The following NRG1 variants were observed in gnomAD, a reference collection of about 807,000 sequenced individuals.
The protein encoded by NRG1 is pro-neuregulin-1, membrane-bound isoform.
A neutral mutation model predicts 63.8 loss-of-function variants in NRG1; 18 were observed. The observed-to-expected ratio is 0.28, with a 90% confidence interval of 0.19 to 0.42. The LOEUF (loss-of-function observed/expected upper bound fraction) is 0.42, where lower values mean the gene tolerates loss of function less well. NRG1 is among the 10% of genes least tolerant of loss of function. The pLI is 1.00. For synonymous variants in NRG1, 302 were observed against 301.3 expected (o/e 1.00, Z -0.02); for missense variants, 762 against 814.7 (o/e 0.94, Z 0.79).
intron 1 of NRG1, among the ~76,000 whole-genome samples, chr8:31,872,663 T>C (rs918343964): frequency 2.0e-5 from 3 of 152,194 alleles, no homozygotes; most frequent in Non-Finnish European, 4.4e-5. Context: ...GGAAAAGTCA[T>C]AGTGGATAAC....
At chr8:31,882,200 G>GAATTATATT (rs1830397762) in intron 1 of NRG1, among the ~76,000 whole-genome samples, 2 of 151,786 alleles carry the variant, frequency 1.3e-5, no homozygotes, top group Non-Finnish European at 2.9e-5. Flanking sequence ...GGGCCCTTAA[G>GAATTATATT]AATTATATTA....
At chr8:31,873,213 G>T (rs1030773983) in intron 1 of NRG1, among the ~76,000 whole-genome samples, 2 of 152,108 alleles carry the variant, frequency 1.3e-5, no homozygotes, top group Non-Finnish European at 2.9e-5. Flanking sequence ...AATAGAGATG[G>T]AGATGGGATT....
At chr8:32,626,646 C>T (rs1352040282) in intron 5 of NRG1, among the ~76,000 whole-genome samples, 3 of 151,058 alleles carry the variant, frequency 2.0e-5, no homozygotes, top group Non-Finnish European at 4.4e-5. Context: ...CGCCACTGCC[C>T]TCCAGCCTGG....
intron 1 of NRG1, among the ~76,000 whole-genome samples, chr8:32,530,887 T>C (rs1238621194): frequency 6.6e-6 from 1 of 151,636 alleles, no homozygotes; most frequent in East Asian, 1.9e-4. Context: ...AGGTCAGGAG[T>C]TCAAGACCAG....
intron 1 of NRG1, among the ~76,000 whole-genome samples, chr8:32,179,891 C>CT (rs540991985): frequency 3.8e-4 from 58 of 151,242 alleles, no homozygotes; most frequent in Admixed American, 5.3e-4. Flanking sequence ...ATTTTTAAAT[C>CT]TTTTTTTTTC....
chr8:31,883,615 A>G (rs972397293), intron 1 of NRG1, among the ~76,000 whole-genome samples: 2 of 152,130 alleles, frequency 1.3e-5, no homozygotes, highest in African/African-American at 4.8e-5. Flanking sequence ...AACTTACACA[A>G]TAATTTACGC....
At position 32,217,660 on chromosome 8, in the gene NRG1, T is replaced by C. The variant is rs1399114656; in HGVS notation, c.38-378168T>C. Among the ~76,000 whole-genome samples the C allele has an allele frequency of 1.2e-4, 19 of 152,216 alleles. 1 individual carries two copies. The highest frequency in any genetic ancestry group is 1.2e-3 in the Admixed American group (19 of 15,290). Reference sequence around the variant, plus strand: ...ATCGGGTGAAAAAGGAGAGGAACCATGCATTACTGAGAATACTCCTGTCCC... The same window carrying C: ...ATCGGGTGAAAAAGGAGAGGAACCACGCATTACTGAGAATACTCCTGTCCC... On this transcript the variant is annotated intron_variant, in intron 1 of 10. Coordinates refer to the NRG1 transcript ENST00000519301.
At chr8:32,519,413 C>T (rs1015423544) in intron 1 of NRG1, among the ~76,000 whole-genome samples, 1 of 143,554 alleles carries the variant, frequency 7.0e-6, no homozygotes, top group Non-Finnish European at 1.6e-5. Context: ...AAATGTAGTA[C>T]GTATAACTGA....
At chr8:32,372,570 G>A (rs1459932095) in intron 1 of NRG1, among the ~76,000 whole-genome samples, 1 of 152,124 alleles carries the variant, frequency 6.6e-6, no homozygotes, top group Non-Finnish European at 1.5e-5. Flanking sequence ...AAATTTGCGG[G>A]CGGGATAGGG....
At chr8:32,568,364 T>C (rs1837870104) in intron 1 of NRG1, among the ~76,000 whole-genome samples, 1 of 152,238 alleles carries the variant, frequency 6.6e-6, no homozygotes, top group Admixed American at 6.5e-5. Context: ...GAGTTTGCTT[T>C]GGTTTTTCCA....
chr8:32,505,528 T>C (rs1828407025), intron 1 of NRG1, among the ~76,000 whole-genome samples: 1 of 152,196 alleles, frequency 6.6e-6, no homozygotes, highest in South Asian at 2.1e-4. Context: ...ATCCATTTTA[T>C]GGTTTAACCG....
At chr8:32,585,485 C>T (rs916478989) in intron 1 of NRG1, among the ~76,000 whole-genome samples, 4 of 152,164 alleles carry the variant, frequency 2.6e-5, no homozygotes, top group Non-Finnish European at 4.4e-5. Flanking sequence ...TTCATTGTCA[C>T]GGTGTATTGC....
chr8:32,292,887 C>T (rs1455524664), intron 1 of NRG1, among the ~76,000 whole-genome samples: 1 of 152,032 alleles, frequency 6.6e-6, no homozygotes, highest in Non-Finnish European at 1.5e-5. Flanking sequence ...AGGCTGATCA[C>T]GAGGTCAGGA....
At chr8:31,907,186 C>T (rs953472869) in intron 1 of NRG1, among the ~76,000 whole-genome samples, 3 of 151,324 alleles carry the variant, frequency 2.0e-5, no homozygotes, top group Non-Finnish European at 2.9e-5. Flanking sequence ...CATCCTCCAA[C>T]GTAAATGACA....
chr8:32,666,786 T>C (rs1006935660), intron 5 of NRG1, among the ~76,000 whole-genome samples: 1 of 152,172 alleles, frequency 6.6e-6, no homozygotes, highest in Admixed American at 6.5e-5. Flanking sequence ...AACTCCTGGT[T>C]TTCCCCACCC....
In NRG1 at chr8:32,169,434, C is replaced by T. The variant is rs142834352; in HGVS notation, c.38-426394C>T. Among the ~76,000 whole-genome samples, 18 of 152,260 alleles carry T rather than the reference C, an allele frequency of 1.2e-4. No individual in the cohort carries two copies. In the East Asian group the frequency reaches 3.1e-3, roughly 26 times the overall value. On this transcript the variant is annotated intron_variant, in intron 1 of 10. Transcript: ENST00000519301. ...GAGTAGGGACAAAACTATTTGAGAACATAGTCCAGCTGACCAAAAGAAAAT... is the reference window on the plus strand; with the variant it reads ...GAGTAGGGACAAAACTATTTGAGAATATAGTCCAGCTGACCAAAAGAAAAT...
intron 1 of NRG1, among the ~76,000 whole-genome samples, chr8:32,157,785 G>A (rs1838310605): frequency 6.6e-6 from 1 of 151,474 alleles, no homozygotes; most frequent in African/African-American, 2.4e-5. Context: ...ACTTATAATT[G>A]CTATAAATTC....
intron 1 of NRG1, among the ~76,000 whole-genome samples, chr8:32,307,084 T>C (rs1856271749): frequency 6.6e-6 from 1 of 152,152 alleles, no homozygotes; most frequent in African/African-American, 2.4e-5. Flanking sequence ...CATTTTTGGT[T>C]TTGTTAAAGT....
intron 1 of NRG1, among the ~76,000 whole-genome samples, chr8:32,299,025 C>CAAAAAAAAAAAAAAAAA (rs34799826): frequency 6.7e-5 from 4 of 59,568 alleles, no homozygotes; most frequent in Non-Finnish European, 9.9e-5. Context: ...GACTCTATCT[C>CAAAAAAAAAAAAAAAAA]AAAAAAAAAA....
Sources: allele counts gnomAD v4.1 joint callset (sites outside exome capture counted in the v4.1 genomes callset), GRCh38; gene constraint gnomAD v4.1.1; transcripts MANE v1.5; gene names NCBI Gene and HGNC (gene_info 2026-07-23, HGNC 2026-07-21).